The following HMGCLL1 variants were observed in gnomAD, a reference collection of about 807,000 sequenced individuals.
The protein encoded by HMGCLL1 is 3-hydroxy-3-methylglutaryl-CoA lyase like 1.
HMGCLL1 carries 36 observed loss-of-function variants against 39.1 expected under a neutral mutation model. That is an observed-to-expected ratio of 0.92 (90% CI 0.71 to 1.22). HMGCLL1 has a LOEUF of 1.22. HMGCLL1 is among the 50% of genes most tolerant of loss of function. HMGCLL1 has a pLI of 0.00. For synonymous variants in HMGCLL1, 149 were observed against 144.0 expected, an observed-to-expected ratio of 1.03 and a Z score of -0.25; for missense variants, 451 against 416.5, an observed-to-expected ratio of 1.08 and a Z score of -0.72.
chr6:55,565,439 G>C (rs764097666), intron 1 of HMGCLL1, among the ~76,000 whole-genome samples: 8 of 152,018 alleles, frequency 5.3e-5, no homozygotes, highest in Non-Finnish European at 1.0e-4. Flanking sequence ...GGTTAATGTA[G>C]TATTTTGTAT....
At chr6:55,663,501 A>T in the HMGCLL1 span, among the ~76,000 whole-genome samples, 1 of 151,700 alleles carries the variant, frequency 6.6e-6, no homozygotes, top group Admixed American at 6.6e-5. Flanking sequence ...GTTTTGAGCA[A>T]TTTCTTTTAG....
chr6:55,582,580 A>G (rs1772003426), upstream of HMGCLL1, among the ~76,000 whole-genome samples: 1 of 152,148 alleles, frequency 6.6e-6, no homozygotes, highest in Non-Finnish European at 1.5e-5. Flanking sequence ...AAACTTATCC[A>G]TAACTTCAGC....
At chr6:55,467,501 T>C (rs1291679654) in intron 7 of HMGCLL1, among the ~76,000 whole-genome samples, 1 of 152,100 alleles carries the variant, frequency 6.6e-6, no homozygotes, top group African/African-American at 2.4e-5. Flanking sequence ...TTAAGGAAAA[T>C]TGGCACACCT....
intron 8 of HMGCLL1, among the ~76,000 whole-genome samples, chr6:55,436,042 T>C (rs1476769196): frequency 6.6e-6 from 1 of 151,880 alleles, no homozygotes; most frequent in African/African-American, 2.4e-5. Context: ...GGCTGGTATC[T>C]AGAGTCTAGG....
chr6:55,675,347 C>T, the HMGCLL1 span, among the ~76,000 whole-genome samples: 3 of 152,086 alleles, frequency 2.0e-5, no homozygotes, highest in South Asian at 2.1e-4. Context: ...GAACATTAGC[C>T]TTGAACATAA....
At chr6:55,510,150 A>G (rs561722025) in intron 5 of HMGCLL1, among the ~76,000 whole-genome samples, 7 of 152,148 alleles carry the variant, frequency 4.6e-5, no homozygotes, top group African/African-American at 1.7e-4. Flanking sequence ...CCTAGGAAAA[A>G]TGTTAAATAT....
intron 7 of HMGCLL1, among the ~76,000 whole-genome samples, chr6:55,477,144 A>C (rs1581828700): frequency 1.4e-5 from 1 of 69,314 alleles, no homozygotes; most frequent in Non-Finnish European, 2.6e-5. Flanking sequence ...AATAGATATA[A>C]TATATATATT....
At chr6:55,618,315 T>C in the HMGCLL1 span, among the ~76,000 whole-genome samples, 1 of 151,898 alleles carries the variant, frequency 6.6e-6, no homozygotes, top group Non-Finnish European at 1.5e-5. Flanking sequence ...TGTATGTATG[T>C]TGTAGTTCAC....
chr6:55,620,725 G>A, the HMGCLL1 span, among the ~76,000 whole-genome samples: 72 of 151,962 alleles, frequency 4.7e-4, no homozygotes, highest in African/African-American at 1.6e-3. Context: ...TCTTTTAGTA[G>A]TTTTATGATT....
chr6:55,468,057 A>G (rs1016040066), intron 7 of HMGCLL1, among the ~76,000 whole-genome samples: 1 of 151,972 alleles, frequency 6.6e-6, no homozygotes, highest in Non-Finnish European at 1.5e-5. Context: ...GGGATTTGGG[A>G]ATGAGAAGGA....
chr6:55,620,184 T>C, the HMGCLL1 span, among the ~76,000 whole-genome samples: 2 of 152,088 alleles, frequency 1.3e-5, no homozygotes, highest in Non-Finnish European at 2.9e-5. Flanking sequence ...TACACTGATA[T>C]TTTTTTCTCT....
At chr6:55,614,480 T>TC in the HMGCLL1 span, among the ~76,000 whole-genome samples, 2 of 152,146 alleles carry the variant, frequency 1.3e-5, no homozygotes, top group African/African-American at 4.8e-5. Flanking sequence ...ATTGTTTAAG[T>TC]CACTGAGTCT....
chr6:55,436,685 A>G (rs537727313), intron 8 of HMGCLL1, among the ~76,000 whole-genome samples: 1 of 152,130 alleles, frequency 6.6e-6, no homozygotes, highest in Non-Finnish European at 1.5e-5. Context: ...TATCTATGAA[A>G]ACTTGTCACT....
the HMGCLL1 span, among the ~76,000 whole-genome samples, chr6:55,653,537 A>T: frequency 6.9e-5 from 10 of 145,702 alleles, no homozygotes; most frequent in Non-Finnish European, 1.4e-4. Flanking sequence ...ATAAACCAGG[A>T]CTAGGAAAAA....
At chr6:55,464,846 C>T (rs750401081) in intron 7 of HMGCLL1, among the ~76,000 whole-genome samples, 44 of 152,142 alleles carry the variant, frequency 2.9e-4, no homozygotes, top group Non-Finnish European at 5.6e-4. Flanking sequence ...CCTGATAAGG[C>T]AAGTTCTCCT....
At chr6:55,578,826 G>A in intron 1 of HMGCLL1, 122 bp downstream of exon 1, 1 of 707,846 alleles carries the variant, frequency 1.4e-6, no homozygotes, top group Non-Finnish European at 2.5e-6. Context: ...GAACTGCTGC[G>A]GGAAGGGTCC....
At chr6:55,590,895 C>A in the HMGCLL1 span, among the ~76,000 whole-genome samples, 1 of 151,866 alleles carries the variant, frequency 6.6e-6, no homozygotes, top group Non-Finnish European at 1.5e-5. Flanking sequence ...AAGCACTTCA[C>A]TGGATATTTT....
At chr6:55,622,687 C>T in the HMGCLL1 span, among the ~76,000 whole-genome samples, 90 of 152,144 alleles carry the variant, frequency 5.9e-4, no homozygotes, top group African/African-American at 2.0e-3. Flanking sequence ...ATTTTTACAT[C>T]AACGTTCATC....
chr6:55,516,648 G>A, intron 3 of HMGCLL1, 45 bp from the exon 4 acceptor site: 1 of 1,266,830 alleles, frequency 7.9e-7, no homozygotes, highest in Non-Finnish European at 1.1e-6. Flanking sequence ...CTTCGAATAT[G>A]TTACCGAGAA....
Sources: allele counts gnomAD v4.1 joint callset (sites outside exome capture counted in the v4.1 genomes callset), GRCh38; gene constraint gnomAD v4.1.1; transcripts MANE v1.5; gene names NCBI Gene and HGNC (gene_info 2026-07-23, HGNC 2026-07-21).